ARHGAP45: variants seen among roughly 807,000 people sequenced by gnomAD.
The protein encoded by ARHGAP45 is Rho GTPase activating protein 45.
A neutral mutation model predicts 116.1 loss-of-function variants in ARHGAP45; 56 were observed. The observed-to-expected ratio is 0.48, with a 90% CI of 0.39 to 0.60. The LOEUF (loss-of-function observed/expected upper bound fraction) is 0.60, where lower values mean the gene tolerates loss of function less well. ARHGAP45 is among the 20% of genes least tolerant of loss of function. The probability of loss-of-function intolerance (pLI) is 0.00; values close to 1 mark genes in which losing one functional copy is unlikely to be tolerated. For synonymous variants in ARHGAP45, 866 were observed against 701.7 expected, an observed-to-expected ratio of 1.23 and a Z score of -3.70; for missense variants, 1,622 against 1,601.0, an observed-to-expected ratio of 1.01 and a Z score of -0.22.
chr19:1,085,533 T>TCTCTCCTGTCTCTCCCCAA, intron 22 of ARHGAP45, 127 bp from the exon 23 acceptor site: 1 of 655,400 alleles, frequency 1.5e-6, no homozygotes, highest in Middle Eastern at 2.7e-4. Context: ...TCTCTCCCCA[T>TCTCTCCTGTCTCTCCCCAA]CTCTCCTGTC....
Position 1,074,169 on chromosome 19 carries a change from C to A in ARHGAP45, c.856C>A (p.Leu286Met), listed in dbSNP as rs1255176680. 2 of 1,613,498 alleles carry A rather than the reference C, an allele frequency of 1.2e-6. No individual in the cohort carries two copies. Among genetic ancestry groups the A allele is most frequent in the Non-Finnish European group, 1.7e-6 (2 of 1,180,006 alleles). Residue 286 changes from leucine (L) to methionine (M), a missense_variant, in exon 7 of 23, where the codon CTG becomes ATG. Physicochemically the swap from Leu to Met is conservative, Grantham distance 15. This residue lies in a region of ARHGAP45 where 1,334 missense variants were observed against 1,263.8 expected (regional missense o/e 1.06). Transcript: ENST00000313093. Reference protein sequence around the residue: ...QRCEGGVDAALLYAKNMAKYM... With the variant: ...QRCEGGVDAAMLYAKNMAKYM... ...CTGTGAGGGGGGCGTGGATGCCGCACTGCTGTATGCCAAGAACATGGCCAA... is the reference window on the plus strand; with the variant it reads ...CTGTGAGGGGGGCGTGGATGCCGCAATGCTGTATGCCAAGAACATGGCCAA...
Position 1,068,642 on chromosome 19 carries a change from G to A in ARHGAP45, c.319G>A (p.Gly107Ser). 2 of 1,612,332 alleles carry A rather than the reference G, an allele frequency of 1.2e-6. No homozygotes were observed. The highest frequency in any genetic ancestry group is 1.7e-6 in the Non-Finnish European group (2 of 1,179,874). ...CAGCCCGGGCGAGCTGCCCACCGAG[G>A]GTGCCGGCCCGGACGTCGTCGAGGA... ...AASPGELPTEGAGPDVVEDIS... is the reference protein window; with the variant it reads ...AASPGELPTESAGPDVVEDIS... The change falls in exon 2 of 23, where the codon GGT becomes AGT. Residue 107 changes from glycine to serine, a missense_variant. Physicochemically the swap from Gly to Ser is moderately conservative, Grantham distance 56 (BLOSUM62 0). Around this residue, in one of 3 missense-constraint regions of ARHGAP45, gnomAD observed 279 missense variants for 311.9 expected, o/e 0.89. Coordinates refer to ENST00000313093, the MANE Select transcript of ARHGAP45 (RefSeq NM_012292.5). This position sits in a 1 kb window ranked among gnomAD's most constrained non-coding sequence, Gnocchi z 7.5.
chr19:1,075,071 C>T (rs2043219009), intron 10 of ARHGAP45, among the ~76,000 whole-genome samples, 192 bp downstream of exon 10: 1 of 151,756 alleles, frequency 6.6e-6, no homozygotes. Flanking sequence ...CCAGCCCCGT[C>T]GCCCCCAGCT....
rs150592598 is a variant in ARHGAP45, at chr19:1,085,753, G to A, written c.3158G>A (p.Ser1053Asn). ...SSEASALGHLSFLEQQQSEAS... is the reference protein window; with the variant it reads ...SSEASALGHLNFLEQQQSEAS... ...GAGGCCAGTGCCCTGGGCCACCTCA[G>A]CTTCCTGGAGCAGCAGCAGAGCGAG... Residue 1053 changes from serine (S) to asparagine (N), a missense_variant, in exon 23 of 23, where the codon AGC (serine) becomes AAC (asparagine). Ser to Asn is a conservative substitution (Grantham distance 46). Transcript: ENST00000313093. 144 of 1,612,450 alleles carry A rather than the reference G, an allele frequency of 8.9e-5. No homozygotes were observed. In the African/African-American group the frequency reaches 1.8e-3, roughly 20 times the overall value.
Position 1,068,558 on chromosome 19 carries a change from CT to C in ARHGAP45, c.236del (p.Leu79ArgfsTer17). 2 of 1,609,686 alleles carry C rather than the reference CT, an allele frequency of 1.2e-6. No individual in the cohort carries two copies. The highest frequency in any genetic ancestry group is 1.7e-6 in the Non-Finnish European group (2 of 1,178,440). On this transcript the variant is annotated frameshift_variant, in exon 2 of 23. Transcript: ENST00000313093. LOFTEE classifies it high-confidence loss of function. This position sits in a 1 kb window ranked among gnomAD's most constrained non-coding sequence, Gnocchi z 7.5. Reference protein sequence around the residue: ...SRHASAAGFPLSGAASWTLGR... With the variant: ...SRHASAAGFPXSGAASWTLGR... ...CCACGCCAGCGCGGCTGGCTTCCCC[CT>C]GTCGGGTGCTGCCTCCTGGACACTG...
chr19:1,071,385 G>T lies in ARHGAP45; in HGVS notation c.422-1764G>T. Reference sequence around the variant, plus strand: ...TGAGGGGACAGGTGCCGGGCGCTGGGTCCCGCCGCGTCCGGGAGCACGTGG... The same window carrying T: ...TGAGGGGACAGGTGCCGGGCGCTGGTTCCCGCCGCGTCCGGGAGCACGTGG... On this transcript the variant is annotated intron_variant, in intron 2 of 22. Transcript: ENST00000313093. The surrounding 1 kb of genome is among the most constrained non-coding windows in gnomAD (Gnocchi z 4.6). The T allele has an allele frequency of 8.3e-7, 1 of 1,199,790 alleles. No homozygotes were observed. Among genetic ancestry groups the T allele is most frequent in the Non-Finnish European group, 1.0e-6 (1 of 964,006 alleles). 74.3% of individuals were successfully genotyped at this position (1,199,790 alleles called of 1,614,324 possible). A position where few individuals can be genotyped will look rare whatever the true frequency, so the allele number is the denominator to read the frequency against.
rs763234168 is a variant in ARHGAP45 at position 1,085,874 on chromosome 19, G to GGCCCA, written c.3282_3286dup (p.Gln1096ProfsTer23). On this transcript the variant is annotated frameshift_variant, in exon 23 of 23. Coordinates refer to ENST00000313093, the MANE Select transcript of ARHGAP45 (RefSeq NM_012292.5). LOFTEE classifies it low-confidence loss of function (END_TRUNC). ...ACGGGGACGGGGACGAGGACGGCCC[G>GGCCCA]GCCCAGCAGCTCTCAGGATTCAACA... is the stretch of plus-strand genomic sequence containing the variant. 3.7e-6 allele frequency: 6 copies of GGCCCA among 1,610,836 alleles called. No homozygotes were observed. The highest frequency in any genetic ancestry group is 3.3e-5 in the South Asian group (3 of 91,054).
intron 2 of ARHGAP45, among the ~76,000 whole-genome samples, chr19:1,070,987 C>T (rs1290821818): frequency 6.6e-6 from 1 of 152,188 alleles, no homozygotes; most frequent in Non-Finnish European, 1.5e-5. Flanking sequence ...CTTGGGGACC[C>T]GCGTTCAGGC....
chr19:1,074,584 C>T, intron 8 of ARHGAP45, 30 bp from the exon 9 acceptor site: 1 of 1,520,902 alleles, frequency 6.6e-7, no homozygotes, highest in Non-Finnish European at 8.9e-7. Context: ...CCATCCCTCC[C>T]CACCCAGTGA....
intron 2 of ARHGAP45, among the ~76,000 whole-genome samples, chr19:1,072,017 CTT>C (rs2043149619): frequency 6.6e-6 from 1 of 151,524 alleles, no homozygotes. Context: ...CTGCTTTTTT[CTT>C]TTCTTTCCTT....
intron 13 of ARHGAP45, 50 bp downstream of exon 13, chr19:1,080,168 A>T (rs374214872): frequency 1.9e-5 from 30 of 1,609,886 alleles, no homozygotes; most frequent in Non-Finnish European, 1.9e-5. Flanking sequence ...CCTGCCTGGG[A>T]GCCGGGCTTC....
chr19:1,082,917 C>T lies in ARHGAP45; in HGVS notation c.2595C>T (p.Ala865=), dbSNP rs141323210. The stretch of plus-strand genomic sequence containing the variant: ...CCAAGGACAGCCTGAAGGCAGAGGC[C>T]GAGGCCAAGGCGGCGTCCCGGGGCC... ...GLAKDSLKAE[A]EAKAASRGRQ... is the part of the protein sequence containing the mutation. The change falls in exon 20 of 23, where the codon GCC becomes GCT. Residue 865 remains alanine (A), a synonymous_variant. Transcript: ENST00000313093. The T allele has an allele frequency of 1.0e-3, 1,593 of 1,595,074 alleles. No homozygotes were observed. Among genetic ancestry groups the T allele is most frequent in the Non-Finnish European group, 1.2e-3 (1,392 of 1,172,524 alleles).
rs376691391 is a variant in ARHGAP45 at position 1,073,550 on chromosome 19, G to C, written c.610G>C (p.Glu204Gln). The change falls in exon 4 of 23, where the codon GAG becomes CAG. Residue 204 changes from glutamate to glutamine, a missense_variant. This residue lies in a region of ARHGAP45 where 279 missense variants were observed against 311.9 expected (regional missense o/e 0.89). Transcript: ENST00000313093. ...SNNDLEKQEF[E>Q]KALETIAVAF... ...CAATGATCTGGAGAAACAGGAGTTC[G>C]AGAAGGCCCTGGAGACGATTGCTGT... 6.2e-7 allele frequency: 1 copy of C among 1,613,952 alleles called. No homozygotes were observed. Among genetic ancestry groups the C allele is most frequent in the Non-Finnish European group, 8.5e-7 (1 of 1,179,974 alleles).
In ARHGAP45 at chr19:1,083,025, G is replaced by A; in HGVS notation, c.2703G>A (p.Glu901=). ...LRELLRDLPP[E]NRASLQYLLR... ...AGCTCCTGCGGGACCTGCCGCCTGA[G>A]AACCGGGCCTCGCTGCAGTACCTGC... Residue 901 remains glutamate (E), a synonymous_variant, in exon 20 of 23, where the codon GAG becomes GAA. Transcript: ENST00000313093. 1.3e-6 allele frequency: 2 copies of A among 1,545,300 alleles called. No homozygotes were observed. Among genetic ancestry groups the A allele is most frequent in the Non-Finnish European group, 1.7e-6 (2 of 1,150,262 alleles).
At position 1,068,515 on chromosome 19, in the gene ARHGAP45, G is replaced by A. The variant is rs759165580; in HGVS notation, c.192G>A (p.Arg64=). 3.1e-6 allele frequency: 5 copies of A among 1,601,174 alleles called. No homozygotes were observed. Among genetic ancestry groups the A allele is most frequent in the South Asian group, 1.1e-5 (1 of 89,860 alleles). Residue 64 remains arginine, a synonymous_variant, in exon 2 of 23, where the codon CGG becomes CGA. Transcript: ENST00000313093. This position sits in a 1 kb window ranked among gnomAD's most constrained non-coding sequence, Gnocchi z 7.5. ...TCAAGGCCACAGGGACCCTCAAGCGGCCCACCAGCCTGAGCCGCCACGCCA... is the reference window on the plus strand; with the variant it reads ...TCAAGGCCACAGGGACCCTCAAGCGACCCACCAGCCTGAGCCGCCACGCCA... ...SGVKATGTLK[R]PTSLSRHASA... is the part of the protein sequence containing the mutation.
In ARHGAP45 at chr19:1,073,754, G is replaced by T. The variant is rs1190727512; in HGVS notation, c.723+8G>T. 7 of 1,577,474 alleles carry T rather than the reference G, an allele frequency of 4.4e-6. No individual in the cohort carries two copies. In the East Asian group the frequency reaches 1.6e-4, roughly 37 times the overall value. On this transcript the variant is annotated splice_region_variant and intron_variant, in intron 5 of 22. Coordinates refer to ENST00000313093, the MANE Select transcript of ARHGAP45 (RefSeq NM_012292.5). ...CCTGGGGACTCGAGCCAGGTGAGTG[G>T]GGTGGGCCAGGGCCACCTGTGTCCA... is the stretch of plus-strand genomic sequence containing the variant.
rs36084354 is a variant in ARHGAP45, at chr19:1,079,960, G to A, written c.1545G>A (p.Met515Ile). The change falls in exon 13 of 23, where the codon ATG becomes ATA. Residue 515 changes from methionine (M) to isoleucine (I), a missense_variant. Physicochemically the swap from Met to Ile is conservative, Grantham distance 10. Coordinates refer to ENST00000313093, the MANE Select transcript of ARHGAP45 (RefSeq NM_012292.5). ...TCTCCTACTACCAGATGATGCATAT[G>A]CAGACGGCGCCGCTGCCCGTGCACT... ...ATISYYQMMH[M>I]QTAPLPVHFQ... is the part of the protein sequence containing the mutation. 121,704 of 1,612,444 alleles carry A rather than the reference G, an allele frequency of 0.075. 5,455 individuals carry two copies. The highest frequency in any genetic ancestry group is 0.089 in the Non-Finnish European group (105,503 of 1,179,554).
At chr19:1,076,782 A>C (rs2240052) in intron 10 of ARHGAP45, among the ~76,000 whole-genome samples, 62,206 of 151,648 alleles carry the variant, frequency 0.41, 13,054 homozygotes, top group African/African-American at 0.51. Context: ...TAGGCATAAG[A>C]CACCGTGCTT....
chr19:1,073,466 A>G (rs2043176964), intron 3 of ARHGAP45, 40 bp from the exon 4 acceptor site: 1 of 1,596,672 alleles, frequency 6.3e-7, no homozygotes, highest in South Asian at 1.1e-5. Flanking sequence ...GTCACCTCCC[A>G]GAGTGGGCCC....
Sources: allele counts gnomAD v4.1 joint callset (sites outside exome capture counted in the v4.1 genomes callset), GRCh38; gene constraint gnomAD v4.1.1; regional missense constraint gnomAD v4.1.1; non-coding constraint Gnocchi (gnomAD v3.1); transcripts MANE v1.5; gene names NCBI Gene and HGNC (gene_info 2026-07-23, HGNC 2026-07-21).